The following DLG4 variants were observed in gnomAD, a reference collection of about 807,000 sequenced individuals.
The protein encoded by DLG4 is discs large MAGUK scaffold protein 4, also known as disks large homolog 4.
Under a neutral mutation model 93.8 loss-of-function variants are expected in DLG4, and 7 were observed. The ratio of observed to expected loss-of-function variants is 0.07; its 90% confidence interval spans 0.04 to 0.14. DLG4 has a LOEUF of 0.14. Ranked by LOEUF, DLG4 falls within the 10% of genes least tolerant of loss-of-function variation. The pLI, the probability that DLG4 is intolerant of heterozygous loss-of-function variation, is 1.00. For synonymous variants in DLG4, 341 were observed against 387.6 expected, an observed-to-expected ratio of 0.88 and a Z score of 1.41; for missense variants, 545 against 992.9, an observed-to-expected ratio of 0.55 and a Z score of 6.06.
At position 7,194,052 on chromosome 17, in the gene DLG4, AC is replaced by A; in HGVS notation, c.1479-53del. On this transcript the variant is annotated intron_variant, in intron 12 of 19. Coordinates refer to ENST00000399506, the MANE Select transcript of DLG4 (RefSeq NM_001321075.3). This position sits in a 1 kb window ranked among gnomAD's most constrained non-coding sequence, Gnocchi z 4.4. ...GGTAGGGGAATGCCTACCCCCTGCC[AC>A]CCCCATGCTCTGAGCCAGCTGACAA... is the stretch of plus-strand genomic sequence containing the variant. The A allele has an allele frequency of 1.3e-6, 2 of 1,597,190 alleles. No individual in the cohort carries two copies. The highest frequency in any genetic ancestry group is 1.7e-6 in the Non-Finnish European group (2 of 1,172,202).
Position 7,190,420 on chromosome 17 carries a change from G to T in DLG4, c.*288C>A, listed in dbSNP as rs2069426779. The T allele has an allele frequency of 9.2e-6, 4 of 435,234 alleles. No individual in the cohort carries two copies. The South Asian group carries it at 9.6e-5, about 10-fold the overall frequency. 27.0% of individuals were successfully genotyped at this position (435,234 alleles called of 1,614,324 possible). A position where few individuals can be genotyped will look rare whatever the true frequency, so the allele number is the denominator to read the frequency against. On this transcript the variant is annotated 3_prime_UTR_variant, in exon 20 of 20. Coordinates refer to ENST00000399506, the MANE Select transcript of DLG4 (RefSeq NM_001321075.3). ...GGTGGCCCCCGGTGGGTCTGTGTGT[G>T]CATTGGGGGCAGGTGGGGGCGGGGA...
Position 7,203,122 on chromosome 17 carries a change from A to T in DLG4, c.642+71T>A. ...CAGAAGCACTGGGGTGAAGTGATGAACTTGGGCCTGCCAGGGCTAGTAGGT... is the reference window on the plus strand; with the variant it reads ...CAGAAGCACTGGGGTGAAGTGATGATCTTGGGCCTGCCAGGGCTAGTAGGT... On this transcript the variant is annotated intron_variant, in intron 7 of 19. Coordinates refer to ENST00000399506, the MANE Select transcript of DLG4 (RefSeq NM_001321075.3). The surrounding 1 kb of genome is among the most constrained non-coding windows in gnomAD (Gnocchi z 7.2). 6.4e-7 allele frequency: 1 copy of T among 1,571,458 alleles called. No individual in the cohort carries two copies.
At position 7,203,981 on chromosome 17, in the gene DLG4, G is replaced by A; in HGVS notation, c.210+27C>T. On this transcript the variant is annotated intron_variant, in intron 4 of 19. Coordinates refer to ENST00000399506, the MANE Select transcript of DLG4 (RefSeq NM_001321075.3). This position sits in a 1 kb window ranked among gnomAD's most constrained non-coding sequence, Gnocchi z 7.2. ...GAAAGGTACAGACGGGAGGCCACGGGGACTGCCGATGGAGGAGCCTGCTCA... is the reference window on the plus strand; with the variant it reads ...GAAAGGTACAGACGGGAGGCCACGGAGACTGCCGATGGAGGAGCCTGCTCA... The A allele has an allele frequency of 6.2e-7, 1 of 1,609,132 alleles. No individual in the cohort carries two copies. The highest frequency in any genetic ancestry group is 8.5e-7 in the Non-Finnish European group (1 of 1,177,768).
chr17:7,219,140 C>T, upstream of DLG4: 1 of 498,222 alleles, frequency 2.0e-6, no homozygotes. Flanking sequence ...GCTCTCTCTC[C>T]TCCTGGGCCT....
chr17:7,191,324 G>A lies in DLG4; in HGVS notation c.2011C>T (p.Arg671Cys), dbSNP rs2069483168. The change falls in exon 19 of 20, where the codon CGC becomes TGC. Residue 671 changes from arginine to cysteine, a missense_variant. Arg to Cys is a radical substitution (Grantham distance 180). Transcript: ENST00000399506. The surrounding 1 kb of genome is among the most constrained non-coding windows in gnomAD (Gnocchi z 6.6). ...INKRITEEQA[R>C]KAFDRATKLE... ...TTGGTGGCTCTGTCGAAGGCTTTGC[G>A]GGCTTGCTCCTCTGTGATCCGCTTG... 5.0e-6 allele frequency: 8 copies of A among 1,613,916 alleles called. No individual in the cohort carries two copies. Among genetic ancestry groups the A allele is most frequent in the East Asian group, 2.2e-5 (1 of 44,882 alleles).
chr17:7,192,961 C>T lies in DLG4; in HGVS notation c.1850G>A (p.Arg617Gln). The stretch of plus-strand genomic sequence containing the variant: ...AGGTCCTACCTGCTCTGCCACCTCT[C>T]GCACGGACTGGACGCTGGTCCCATA... ...HLYGTSVQSV[R>Q]EVAEQGKHCI... Residue 617 changes from arginine (R) to glutamine (Q), a missense_variant, in exon 17 of 20, where the codon CGA becomes CAA. Around this residue, in one of 5 missense-constraint regions of DLG4, gnomAD observed 428 missense variants for 741.4 expected, o/e 0.58. Coordinates refer to ENST00000399506, the MANE Select transcript of DLG4 (RefSeq NM_001321075.3). 3.7e-6 allele frequency: 6 copies of T among 1,613,126 alleles called. No individual in the cohort carries two copies. Among genetic ancestry groups the T allele is most frequent in the South Asian group, 1.1e-5 (1 of 91,022 alleles).
intron 17 of DLG4, 45 bp downstream of exon 17, chr17:7,192,900 G>A: frequency 6.5e-7 from 1 of 1,543,812 alleles, no homozygotes; most frequent in East Asian, 2.4e-5. Flanking sequence ...CAGTGGGGTG[G>A]GGAGAGGGGA....
At position 7,203,508 on chromosome 17, in the gene DLG4, C is replaced by T; in HGVS notation, c.421G>A (p.Gly141Ser). 1 of 1,613,730 alleles carries T rather than the reference C, an allele frequency of 6.2e-7. No individual in the cohort carries two copies. The highest frequency in any genetic ancestry group is 8.5e-7 in the Non-Finnish European group (1 of 1,179,716). ...ATGACATAGAGGCGAACGATGGAGC[C>T]TGCCTCTTTGAGGGCTTCCACCGCC... ...SAAVEALKEA[G>S]SIVRLYVMRR... is the part of the protein sequence containing the mutation. The change falls in exon 6 of 20, where the codon GGC becomes AGC. Residue 141 changes from glycine to serine, a missense_variant. Gly to Ser is a moderately conservative substitution (Grantham distance 56). Coordinates refer to ENST00000399506, the MANE Select transcript of DLG4 (RefSeq NM_001321075.3). The surrounding 1 kb of genome is among the most constrained non-coding windows in gnomAD (Gnocchi z 7.2).
chr17:7,193,894 G>A lies in DLG4; in HGVS notation c.1516-23C>T, dbSNP rs116629356. On this transcript the variant is annotated intron_variant, in intron 13 of 19. Transcript: ENST00000399506. The surrounding 1 kb of genome is among the most constrained non-coding windows in gnomAD (Gnocchi z 6.7). ...GTCCTAAGAAGAAAAAGCAGGCCAC[G>A]GGGTTAGTTATGAGCTCAGCTCCAT... The A allele has an allele frequency of 9.4e-4, 1,519 of 1,612,474 alleles. 11 individuals carry two copies. The African/African-American group carries it at 0.013, about 14-fold the overall frequency.
intron 8 of DLG4, among the ~76,000 whole-genome samples, chr17:7,199,215 T>C (rs1030064297): frequency 6.6e-6 from 1 of 151,978 alleles, no homozygotes; most frequent in African/African-American, 2.4e-5. Context: ...ATTTATTTTT[T>C]TGGGATGGAG....
rs1038998641 is a variant in DLG4, at chr17:7,193,323, T to C, written c.1693+160A>G. Among the ~76,000 whole-genome samples, 2 of 152,036 alleles carry C rather than the reference T, an allele frequency of 1.3e-5. No individual in the cohort carries two copies. The highest frequency in any genetic ancestry group is 2.4e-5 in the African/African-American group (1 of 41,402). ...GTCTCTGGCCTGGGCATGGGTACTA[T>C]GGAATGAGAGGGTGGCTGAGAAGCA... On this transcript the variant is annotated intron_variant, in intron 16 of 19. Coordinates refer to ENST00000399506, the MANE Select transcript of DLG4 (RefSeq NM_001321075.3). This position sits in a 1 kb window ranked among gnomAD's most constrained non-coding sequence, Gnocchi z 6.7.
chr17:7,210,379 G>A (rs762041007), intron 1 of DLG4, among the ~76,000 whole-genome samples: 2 of 152,268 alleles, frequency 1.3e-5, no homozygotes, highest in East Asian at 1.9e-4. Flanking sequence ...GAAGGAAAAC[G>A]GGCTCAGCAA....
chr17:7,217,649 A>C, upstream of DLG4: 5 of 796,226 alleles, frequency 6.3e-6, no homozygotes, highest in Non-Finnish European at 8.8e-6. Flanking sequence ...AGGGGGAGGG[A>C]GGGAGGGAGC....
chr17:7,193,423 G>C lies in DLG4; in HGVS notation c.1693+60C>G. 6.9e-7 allele frequency: 1 copy of C among 1,459,378 alleles called. No homozygotes were observed. The highest frequency in any genetic ancestry group is 9.1e-7 in the Non-Finnish European group (1 of 1,095,048). The allele number at this position is 1,459,378 out of a possible 1,614,324, so 90.4% of individuals were successfully genotyped here. On this transcript the variant is annotated intron_variant, in intron 16 of 19. Coordinates refer to ENST00000399506, the MANE Select transcript of DLG4 (RefSeq NM_001321075.3). This position sits in a 1 kb window ranked among gnomAD's most constrained non-coding sequence, Gnocchi z 6.7. ...GGCTCTGCCTATGGCCCCAGGGATG[G>C]GCCTCCCCTGCCCCACCCCCACTTC...
In DLG4 at chr17:7,194,802, C is replaced by G. The variant is rs1198966012; in HGVS notation, c.1302-307G>C. On this transcript the variant is annotated intron_variant, in intron 11 of 19. Transcript: ENST00000399506. This position sits in a 1 kb window ranked among gnomAD's most constrained non-coding sequence, Gnocchi z 4.4. ...CCCAGCTGACTTTGGGAGGCCAAGG[C>G]GGGCGGATCACAAGGTCAGGAGATT... is the stretch of plus-strand genomic sequence containing the variant. 6.6e-6 allele frequency among the ~76,000 whole-genome samples: 1 copy of G among 152,096 alleles called. No individual in the cohort carries two copies. Among genetic ancestry groups the G allele is most frequent in the Non-Finnish European group, 1.5e-5 (1 of 68,004 alleles).
At position 7,196,914 on chromosome 17, in the gene DLG4, C is replaced by T. The variant is rs766960060; in HGVS notation, c.926G>A (p.Arg309Gln). 13 of 1,613,698 alleles carry T rather than the reference C, an allele frequency of 8.1e-6. No individual in the cohort carries two copies. Among genetic ancestry groups the T allele is most frequent in the Non-Finnish European group, 1.1e-5 (13 of 1,179,846 alleles). ...GTGGATCACAATTCGCCTCGGTTCT[C>T]GGGGAATGTCTTCCTCCCCGAGCAG... Reference protein sequence around the residue: ...KDLLGEEDIPREPRRIVIHRG... With the variant: ...KDLLGEEDIPQEPRRIVIHRG... Residue 309 changes from arginine to glutamine, a missense_variant, in exon 9 of 20, where the codon CGA becomes CAA. This residue lies in a region of DLG4 where 428 missense variants were observed against 741.4 expected (regional missense o/e 0.58). Transcript: ENST00000399506. The surrounding 1 kb of genome is among the most constrained non-coding windows in gnomAD (Gnocchi z 8.3).
rs764647698 is a variant in DLG4, at chr17:7,204,149, T to C, written c.150+50A>G. The C allele has an allele frequency of 1.9e-6, 3 of 1,602,190 alleles. No individual in the cohort carries two copies. In the Admixed American group the frequency reaches 5.2e-5, roughly 28 times the overall value. On this transcript the variant is annotated intron_variant, in intron 3 of 19. Transcript: ENST00000399506. ...CCCGTCATCTGCTGCCCTCCCTTAC[T>C]CCCTCCTTCCTTCTGCAATGGCCCC...
chr17:7,193,100 G>T lies in DLG4; in HGVS notation c.1711C>A (p.Arg571=). The stretch of plus-strand genomic sequence containing the variant: ...TCCCGGCCATCTATCTCATACTCCC[G>T]CTTGGGCCGTGTCGTATCTGCCAGG... ...SCVPHTTRPK[R]EYEIDGRDYH... Residue 571 remains arginine, a synonymous_variant, in exon 17 of 20, where the codon CGG becomes AGG. Transcript: ENST00000399506. The surrounding 1 kb of genome is among the most constrained non-coding windows in gnomAD (Gnocchi z 6.7). 1 of 1,613,652 alleles carries T rather than the reference G, an allele frequency of 6.2e-7. No homozygotes were observed. The highest frequency in any genetic ancestry group is 8.5e-7 in the Non-Finnish European group (1 of 1,179,726).
In DLG4 at chr17:7,190,823, G is replaced by T. The variant is rs760218164; in HGVS notation, c.2069-9C>A. The T allele has an allele frequency of 1.9e-6, 3 of 1,612,150 alleles. No homozygotes were observed. The highest frequency in any genetic ancestry group is 2.5e-6 in the Non-Finnish European group (3 of 1,178,600). On this transcript the variant is annotated splice_polypyrimidine_tract_variant and intron_variant, in intron 19 of 19. Transcript: ENST00000399506. ...GTCACCCTCCACGATGGCTGGGAGTGGGGTGGAGCAGGGAGTGAGGCCAAG... is the reference window on the plus strand; with the variant it reads ...GTCACCCTCCACGATGGCTGGGAGTTGGGTGGAGCAGGGAGTGAGGCCAAG...
Sources: allele counts gnomAD v4.1 joint callset (sites outside exome capture counted in the v4.1 genomes callset), GRCh38; gene constraint gnomAD v4.1.1; regional missense constraint gnomAD v4.1.1; non-coding constraint Gnocchi (gnomAD v3.1); transcripts MANE v1.5; gene names NCBI Gene and HGNC (gene_info 2026-07-23, HGNC 2026-07-21).